BMPR2: variants seen among roughly 807,000 people sequenced by gnomAD.
The protein encoded by BMPR2 is bone morphogenetic protein receptor type 2.
BMPR2 carries 29 observed loss-of-function variants against 100.8 expected under a neutral mutation model. The observed-to-expected ratio is 0.29, with a 90% confidence interval of 0.21 to 0.39. The LOEUF is 0.39. Ranked by LOEUF, BMPR2 falls within the 10% of genes least tolerant of loss-of-function variation. BMPR2 has a pLI of 1.00. For synonymous variants in BMPR2, 382 were observed against 442.3 expected (o/e 0.86, Z 1.71); for missense variants, 1,011 against 1,274.5 (o/e 0.79, Z 3.15).
chr2:202,426,906 C>T (rs1379096594), intron 1 of BMPR2, among the ~76,000 whole-genome samples: 1 of 152,052 alleles, frequency 6.6e-6, no homozygotes, highest in Non-Finnish European at 1.5e-5. Flanking sequence ...AAATAAATTG[C>T]TCTGGTTACC....
At chr2:202,518,542 T>C (rs1215577948) in intron 5 of BMPR2, among the ~76,000 whole-genome samples, 1 of 152,196 alleles carries the variant, frequency 6.6e-6, no homozygotes, top group Non-Finnish European at 1.5e-5. Flanking sequence ...CATACCACTT[T>C]TTTCTCAAAG....
At chr2:202,492,725 CAAAAAAAAAAACA>C (rs1692931709) in intron 3 of BMPR2, among the ~76,000 whole-genome samples, 2 of 111,690 alleles carry the variant, frequency 1.8e-5, no homozygotes, top group African/African-American at 6.6e-5. Flanking sequence ...AAAAAAAAAC[CAAAAAAAAAAACA>C]AAAAGGAAAT....
chr2:202,435,257 C>A (rs1001288698), intron 1 of BMPR2, among the ~76,000 whole-genome samples: 3 of 146,176 alleles, frequency 2.1e-5, no homozygotes, highest in Admixed American at 1.4e-4. Context: ...CCAGCTACTC[C>A]GGAGGCTAAG....
intron 1 of BMPR2, among the ~76,000 whole-genome samples, chr2:202,450,586 G>T (rs2105947254): frequency 6.6e-6 from 1 of 151,662 alleles, no homozygotes; most frequent in Non-Finnish European, 1.5e-5. Flanking sequence ...AGCTACTTGG[G>T]AGGCTGAGGC....
rs763757383 is a variant in BMPR2 at position 202,518,838 on chromosome 2, G to T, written c.638G>T (p.Arg213Leu). The T allele has an allele frequency of 6.2e-7, 1 of 1,614,046 alleles. No individual in the cohort carries two copies. Reference sequence around the variant, plus strand: ...CACTTGCAGCTGATTGGCCGAGGTCGATATGGAGCAGTATATAAAGGCTCC... The same window carrying T: ...CACTTGCAGCTGATTGGCCGAGGTCTATATGGAGCAGTATATAAAGGCTCC... ...LKLLELIGRGRYGAVYKGSLD... is the reference protein window; with the variant it reads ...LKLLELIGRGLYGAVYKGSLD... The change falls in exon 6 of 13, where the codon CGA becomes CTA. Residue 213 changes from arginine (R) to leucine (L), a missense_variant. Coordinates refer to ENST00000374580, the MANE Select transcript of BMPR2 (RefSeq NM_001204.7).
At chr2:202,548,760 G>C (rs930208060) in intron 10 of BMPR2, among the ~76,000 whole-genome samples, 3 of 151,914 alleles carry the variant, frequency 2.0e-5, no homozygotes, top group Admixed American at 2.0e-4. Context: ...ATTTACACAA[G>C]CATTAAGGTA....
At position 202,560,524 on chromosome 2, in the gene BMPR2, A is replaced by G. The variant is rs1688661954; in HGVS notation, c.*578A>G. The G allele has an allele frequency of 6.4e-6, 1 of 156,626 alleles. No individual in the cohort carries two copies. Among genetic ancestry groups the G allele is most frequent in the South Asian group, 1.9e-4 (1 of 5,254 alleles). 9.7% of individuals were successfully genotyped at this position (156,626 alleles called of 1,614,324 possible). A position where few individuals can be genotyped will look rare whatever the true frequency, so the allele number is the denominator to read the frequency against. On this transcript the variant is annotated 3_prime_UTR_variant, in exon 13 of 13. Transcript: ENST00000374580. The stretch of plus-strand genomic sequence containing the variant: ...TTCCTAACAGGGCACATATTCTTCC[A>G]TAATATAAACACTTTTCTGCCCCAT...
chr2:202,454,187 A>T (rs1324531116), intron 1 of BMPR2, among the ~76,000 whole-genome samples: 1 of 152,088 alleles, frequency 6.6e-6, no homozygotes, highest in Non-Finnish European at 1.5e-5. Flanking sequence ...CTCCCACCCC[A>T]GCCTCCCAAG....
In BMPR2 at chr2:202,457,542, TTATATA is replaced by T. The variant is rs775599027; in HGVS notation, c.77-7252_77-7247del. On this transcript the variant is annotated intron_variant, in intron 1 of 12. Coordinates refer to ENST00000374580, the MANE Select transcript of BMPR2 (RefSeq NM_001204.7). ...AAGATATATTATTTTTAGCAATATT[TTATATA>T]TATATATATATATAGAGAGAGAGAG... is the stretch of plus-strand genomic sequence containing the variant. Among the ~76,000 whole-genome samples, 352 of 134,042 alleles carry T rather than the reference TTATATA, an allele frequency of 2.6e-3. 2 individuals carry two copies. The highest frequency in any genetic ancestry group is 0.012 in the South Asian group (49 of 4,088). 87.9% of individuals were successfully genotyped at this position (134,042 alleles called of 152,430 possible).
intron 3 of BMPR2, among the ~76,000 whole-genome samples, chr2:202,487,641 G>A (rs1418301136): frequency 1.3e-5 from 2 of 152,140 alleles, no homozygotes; most frequent in South Asian, 2.1e-4. Context: ...TATACTTTTT[G>A]TATTTTTCTG....
chr2:202,508,356 G>T (rs1687565424), intron 3 of BMPR2, among the ~76,000 whole-genome samples: 1 of 152,152 alleles, frequency 6.6e-6, no homozygotes, highest in Non-Finnish European at 1.5e-5. Context: ...CTCCCAAAGT[G>T]CTGGGATTAC....
intron 1 of BMPR2, among the ~76,000 whole-genome samples, chr2:202,391,528 G>T (rs761949033): frequency 6.6e-6 from 1 of 150,726 alleles, no homozygotes; most frequent in Non-Finnish European, 1.5e-5. Context: ...CTGGGCTCAA[G>T]CGACCCTTTT....
chr2:202,460,901 T>C (rs1160433652), intron 1 of BMPR2, among the ~76,000 whole-genome samples: 1 of 151,296 alleles, frequency 6.6e-6, no homozygotes, highest in Non-Finnish European at 1.5e-5. Context: ...ACCCAGACTC[T>C]AGGGTGCAGT....
intron 7 of BMPR2, among the ~76,000 whole-genome samples, chr2:202,522,089 G>T (rs902519053): frequency 1.3e-5 from 2 of 151,942 alleles, no homozygotes; most frequent in Non-Finnish European, 2.9e-5. Context: ...AGTCCAGGAG[G>T]TCTAGGCTGT....
chr2:202,499,811 A>G (rs1430235311), intron 3 of BMPR2, among the ~76,000 whole-genome samples: 1 of 152,194 alleles, frequency 6.6e-6, no homozygotes, highest in East Asian at 1.9e-4. Context: ...CCCAAAAGGA[A>G]AAGCGAGATC....
intron 3 of BMPR2, among the ~76,000 whole-genome samples, chr2:202,482,787 C>T (rs1420052849): frequency 6.6e-6 from 1 of 152,148 alleles, no homozygotes; most frequent in Non-Finnish European, 1.5e-5. Flanking sequence ...GATTCACCTG[C>T]CTCGGCCTCT....
At chr2:202,388,311 C>T (rs1228570662) in intron 1 of BMPR2, among the ~76,000 whole-genome samples, 1 of 142,542 alleles carries the variant, frequency 7.0e-6, no homozygotes. Flanking sequence ...GTAGGACAAT[C>T]GCTTGAACCC....
At position 202,548,314 on chromosome 2, in the gene BMPR2, C is replaced by G. The variant is rs187817415; in HGVS notation, c.1414-4402C>G. On this transcript the variant is annotated intron_variant, in intron 10 of 12. Transcript: ENST00000374580. ...TAAGAAATACAACTTCAGCCAGGTG[C>G]AATAGTGCACACTTGTAGTCTAAGC... is the stretch of plus-strand genomic sequence containing the variant. Among the ~76,000 whole-genome samples, 485 of 152,066 alleles carry G rather than the reference C, an allele frequency of 3.2e-3. 2 individuals carry two copies. Among genetic ancestry groups the G allele is most frequent in the African/African-American group, 0.011 (470 of 41,486 alleles).
At chr2:202,542,182 G>A (rs1688288480) in intron 9 of BMPR2, 129 bp from the exon 10 acceptor site, 7 of 1,062,174 alleles carry the variant, frequency 6.6e-6, no homozygotes, top group African/African-American at 6.4e-5. Flanking sequence ...TGTGCCTGAA[G>A]GGGATGAAAA....
Sources: gnomAD v4.1 joint callset for allele counts (sites outside exome capture counted in the v4.1 genomes callset) on GRCh38, gnomAD v4.1.1 for gene constraint, MANE v1.5 for transcripts, NCBI Gene and HGNC (gene_info 2026-07-23, HGNC 2026-07-21) for gene names.